The following MAPKAPK2 variants were observed in gnomAD, a reference collection of about 807,000 sequenced individuals.
The protein encoded by MAPKAPK2 is MAPK activated protein kinase 2.
Under a neutral mutation model 48.8 loss-of-function variants are expected in MAPKAPK2, and 9 were observed. That is an observed-to-expected ratio of 0.18 (90% CI 0.11 to 0.32). The LOEUF (loss-of-function observed/expected upper bound fraction) is 0.32, where lower values mean the gene tolerates loss of function less well. Among genes scored for constraint, MAPKAPK2 ranks in the 10% least tolerant of loss-of-function variants. The probability of loss-of-function intolerance (pLI) is 1.00; values close to 1 mark genes in which losing one functional copy is unlikely to be tolerated. For missense variants in MAPKAPK2, 331 were observed against 498.3 expected (o/e 0.66, Z 3.20); for synonymous variants, 202 against 190.6 (o/e 1.06, Z -0.49).
rs140092698 is a variant in MAPKAPK2, at chr1:206,716,566, C to G, written c.280-12144C>G. ...ATTCTCTGTCAACTCTCCTCCACCC[C>G]CTGTGAGATCTGTGGACTCAGGTAT... On this transcript the variant is annotated intron_variant, in intron 1 of 9. Coordinates refer to ENST00000367103, the MANE Select transcript of MAPKAPK2 (RefSeq NM_032960.4). Among the ~76,000 whole-genome samples, 700 of 152,242 alleles carry G rather than the reference C, an allele frequency of 4.6e-3. 6 individuals carry two copies. The highest frequency in any genetic ancestry group is 0.016 in the African/African-American group (647 of 41,520).
Position 206,728,845 on chromosome 1 carries a change from G to A in MAPKAPK2, c.415G>A (p.Glu139Lys). 1 of 1,614,148 alleles carries A rather than the reference G, an allele frequency of 6.2e-7. No homozygotes were observed. The highest frequency in any genetic ancestry group is 8.5e-7 in the Non-Finnish European group (1 of 1,180,002). Residue 139 changes from glutamate to lysine, a missense_variant, in exon 2 of 10, where the codon GAA (glutamate) becomes AAA (lysine). Physicochemically the swap from Glu to Lys is moderately conservative, Grantham distance 56 (BLOSUM62 1). Transcript: ENST00000367103. ...AGRKCLLIVM[E>K]CLDGGELFSR... ...GAGGAAGTGCCTGCTGATTGTCATG[G>A]AATGGTAAGCAGCCACTGTTCTAGT...
At chr1:206,726,907 T>C (rs782774871) in intron 1 of MAPKAPK2, among the ~76,000 whole-genome samples, 2 of 152,236 alleles carry the variant, frequency 1.3e-5, no homozygotes, top group African/African-American at 2.4e-5. Flanking sequence ...CTGATCTTAT[T>C]TGCAAGCTTC....
intron 1 of MAPKAPK2, among the ~76,000 whole-genome samples, chr1:206,689,987 G>T (rs868984098): frequency 3.3e-5 from 5 of 152,194 alleles, no homozygotes; most frequent in Admixed American, 1.3e-4. Flanking sequence ...GCTGGGGTCA[G>T]TGGGACATGG....
intron 1 of MAPKAPK2, chr1:206,695,767 TCTCTC>T (rs1476131649): frequency 7.5e-5 from 16 of 214,674 alleles, no homozygotes; most frequent in Admixed American, 1.6e-4. Flanking sequence ...TCTCTCTCTC[TCTCTC>T]TTTTTTTTTT....
intron 1 of MAPKAPK2, among the ~76,000 whole-genome samples, chr1:206,719,614 C>T (rs1673450195): frequency 6.6e-6 from 1 of 152,158 alleles, no homozygotes; most frequent in African/African-American, 2.4e-5. Context: ...ATCGTCACTC[C>T]TCATTGAGCT....
intron 1 of MAPKAPK2, among the ~76,000 whole-genome samples, chr1:206,714,141 C>T (rs1342197546): frequency 6.6e-6 from 1 of 152,180 alleles, no homozygotes; most frequent in Non-Finnish European, 1.5e-5. Context: ...CCTAGATCCA[C>T]CAAACAGCAC....
Position 206,731,948 on chromosome 1 carries a change from T to C in MAPKAPK2, c.1059+29T>C. 6.2e-7 allele frequency: 1 copy of C among 1,614,032 alleles called. No homozygotes were observed. The highest frequency in any genetic ancestry group is 8.5e-7 in the Non-Finnish European group (1 of 1,179,982). On this transcript the variant is annotated intron_variant, in intron 9 of 9. Transcript: ENST00000367103. This position sits in a 1 kb window ranked among gnomAD's most constrained non-coding sequence, Gnocchi z 5.9. ...AGGGGCACCACTGGGTGAGAGGGGC[T>C]CCAGGTGGGGTGGGCGGCTTGCGGG... is the stretch of plus-strand genomic sequence containing the variant.
At chr1:206,705,963 C>T (rs1448848753) in intron 1 of MAPKAPK2, among the ~76,000 whole-genome samples, 1 of 152,062 alleles carries the variant, frequency 6.6e-6, no homozygotes, top group African/African-American at 2.4e-5. Flanking sequence ...GCCTCAACAC[C>T]CTTCTGGTGC....
intron 1 of MAPKAPK2, among the ~76,000 whole-genome samples, chr1:206,724,984 A>T (rs1351902406): frequency 6.6e-6 from 1 of 152,194 alleles, no homozygotes; most frequent in Non-Finnish European, 1.5e-5. Flanking sequence ...AATTTTACAG[A>T]TGAGGAAACC....
intron 1 of MAPKAPK2, among the ~76,000 whole-genome samples, chr1:206,724,381 C>T (rs781201444): frequency 3.9e-5 from 6 of 152,182 alleles, no homozygotes; most frequent in Admixed American, 2.0e-4. Context: ...AGGCCTTCTG[C>T]GCTCCACACT....
intron 1 of MAPKAPK2, among the ~76,000 whole-genome samples, chr1:206,714,799 G>C (rs1489946580): frequency 1.3e-5 from 2 of 149,976 alleles, no homozygotes; most frequent in Non-Finnish European, 3.0e-5. Flanking sequence ...CAACCCCCCA[G>C]TTTTTTATAT....
chr1:206,704,614 C>G lies in MAPKAPK2; in HGVS notation c.279+19106C>G, dbSNP rs1553428325. 6.6e-6 allele frequency among the ~76,000 whole-genome samples: 1 copy of G among 152,194 alleles called. No homozygotes were observed. Among genetic ancestry groups the G allele is most frequent in the African/African-American group, 2.4e-5 (1 of 41,440 alleles). ...TGATATCTGTCCGTGGTGACATAAG[C>G]ACACATGATCTGCAGTCAAGGTTGA... On this transcript the variant is annotated intron_variant, in intron 1 of 9. Coordinates refer to ENST00000367103, the MANE Select transcript of MAPKAPK2 (RefSeq NM_032960.4). The surrounding 1 kb of genome is among the most constrained non-coding windows in gnomAD (Gnocchi z 4.3).
intron 1 of MAPKAPK2, among the ~76,000 whole-genome samples, chr1:206,718,046 A>T (rs1360178716): frequency 6.6e-6 from 1 of 152,178 alleles, no homozygotes; most frequent in Admixed American, 6.5e-5. Flanking sequence ...TAGAAATGGG[A>T]TTATGCTATA....
chr1:206,718,059 T>C (rs1407494522), intron 1 of MAPKAPK2, among the ~76,000 whole-genome samples: 1 of 152,194 alleles, frequency 6.6e-6, no homozygotes, highest in Non-Finnish European at 1.5e-5. Context: ...ATGCTATATA[T>C]TCTGTTCAGT....
chr1:206,726,866 TC>T (rs1320518415), intron 1 of MAPKAPK2, among the ~76,000 whole-genome samples: 2 of 152,186 alleles, frequency 1.3e-5, no homozygotes, highest in African/African-American at 4.8e-5. Flanking sequence ...GTCCTTCCCT[TC>T]CCTCTGCAAG....
rs892953577 is a variant in MAPKAPK2 at position 206,733,740 on chromosome 1, G to A, written c.*1022G>A. 6.5e-6 allele frequency: 1 copy of A among 152,820 alleles called. No individual in the cohort carries two copies. The highest frequency in any genetic ancestry group is 1.5e-5 in the Non-Finnish European group (1 of 68,096). The allele number at this position is 152,820 out of a possible 1,614,324, so 9.5% of individuals were successfully genotyped here. A position where few individuals can be genotyped will look rare whatever the true frequency, so the allele number is the denominator to read the frequency against. ...CCATTTCTCCATGGGCCACCGCCCA[G>A]CTCATGTAGGTGAGCCTGGGCAGCT... is the stretch of plus-strand genomic sequence containing the variant. On this transcript the variant is annotated 3_prime_UTR_variant, in exon 10 of 10. Transcript: ENST00000367103.
Position 206,714,746 on chromosome 1 carries a change from C to T in MAPKAPK2, c.280-13964C>T, listed in dbSNP as rs1313753943. On this transcript the variant is annotated intron_variant, in intron 1 of 9. Transcript: ENST00000367103. ...CACCATTGCACTCCAGCCTGGGTAG[C>T]AGAGTGAAACTCGGTCACAAAAAAA... Among the ~76,000 whole-genome samples, 13 of 129,088 alleles carry T rather than the reference C, an allele frequency of 1.0e-4. 1 individual carries two copies. Among genetic ancestry groups the T allele is most frequent in the African/African-American group, 3.8e-4 (13 of 34,336 alleles). The allele number at this position is 129,088 out of a possible 152,430, so 84.7% of individuals were successfully genotyped here. A position where few individuals can be genotyped will look rare whatever the true frequency, so the allele number is the denominator to read the frequency against.
chr1:206,712,598 G>A (rs1050113042), intron 1 of MAPKAPK2, among the ~76,000 whole-genome samples: 2 of 152,252 alleles, frequency 1.3e-5, no homozygotes, highest in South Asian at 2.1e-4. Flanking sequence ...TTCTTAGGGG[G>A]TGTCACTTGG....
At chr1:206,706,947 C>A (rs1672978632) in intron 1 of MAPKAPK2, among the ~76,000 whole-genome samples, 1 of 152,186 alleles carries the variant, frequency 6.6e-6, no homozygotes, top group Admixed American at 6.5e-5. Context: ...TTCATTCTCT[C>A]CCCTCACCTG....
Sources: allele counts gnomAD v4.1 joint callset (sites outside exome capture counted in the v4.1 genomes callset), GRCh38; gene constraint gnomAD v4.1.1; non-coding constraint Gnocchi (gnomAD v3.1); transcripts MANE v1.5; gene names NCBI Gene and HGNC (gene_info 2026-07-23, HGNC 2026-07-21).